The following GAS6 variants were observed in gnomAD, a reference collection of about 807,000 sequenced individuals.
GAS6 encodes growth arrest specific 6.
GAS6 carries 41 observed loss-of-function variants against 75.8 expected under a neutral mutation model. The observed-to-expected ratio is 0.54, with a 90% CI of 0.42 to 0.70. GAS6 has a LOEUF of 0.70. GAS6 is among the 30% of genes least tolerant of loss of function. The probability of loss-of-function intolerance (pLI) is 0.00; values close to 1 mark genes in which losing one functional copy is unlikely to be tolerated. For missense variants in GAS6, 854 were observed against 940.2 expected, an observed-to-expected ratio of 0.91 and a Z score of 1.20; for synonymous variants, 432 against 412.6, an observed-to-expected ratio of 1.05 and a Z score of -0.57.
At chr13:113,836,035 T>C (rs1460098050) in intron 6 of GAS6, 9 of 1,008,430 alleles carry the variant, frequency 8.9e-6, no homozygotes, top group Non-Finnish European at 1.1e-5. Flanking sequence ...CATTTACTGG[T>C]TTCAATCAAT....
rs541060138 is a variant in GAS6, at chr13:113,834,400, C to A, written c.834+151G>T. The A allele has an allele frequency of 6.0e-5, 47 of 785,608 alleles. No individual in the cohort carries two copies. The African/African-American group carries it at 7.7e-4, about 13-fold the overall frequency. The allele number at this position is 785,608 out of a possible 1,614,324, so 48.7% of individuals were successfully genotyped here. A position where few individuals can be genotyped will look rare whatever the true frequency, so the allele number is the denominator to read the frequency against. The stretch of plus-strand genomic sequence containing the variant: ...CCAAACATCTTCCAGGGAACAGAAG[C>A]GTTTCTCATCCCAAACCTCCACATG... On this transcript the variant is annotated intron_variant, in intron 8 of 14. Coordinates refer to ENST00000327773, the MANE Select transcript of GAS6 (RefSeq NM_000820.4).
chr13:113,835,811 G>T (rs1424744692), intron 6 of GAS6, 176 bp from the exon 7 acceptor site: 4 of 1,427,226 alleles, frequency 2.8e-6, no homozygotes, highest in Non-Finnish European at 3.7e-6. Context: ...CAGCTCCCGG[G>T]GTGTTGGTGC....
At chr13:113,856,114 C>A (rs546732150) in intron 2 of GAS6, among the ~76,000 whole-genome samples, 1 of 152,228 alleles carries the variant, frequency 6.6e-6, no homozygotes, top group Non-Finnish European at 1.5e-5. Flanking sequence ...CCCAGCATGA[C>A]GCACCTGGCA....
intron 8 of GAS6, chr13:113,833,104 G>GC: frequency 8.5e-7 from 1 of 1,181,774 alleles, no homozygotes; most frequent in South Asian, 1.7e-5. Context: ...AGATATGGAT[G>GC]CCTTGAAGAT....
chr13:113,834,653 C>T lies in GAS6; in HGVS notation c.732G>A (p.Gln244=), dbSNP rs544003450. 1.3e-6 allele frequency: 2 copies of T among 1,592,068 alleles called. No homozygotes were observed. Among genetic ancestry groups the T allele is most frequent in the East Asian group, 4.6e-5 (2 of 43,944 alleles). Residue 244 remains glutamine, a synonymous_variant, in exon 8 of 15, where the codon CAG becomes CAA. Coordinates refer to ENST00000327773, the MANE Select transcript of GAS6 (RefSeq NM_000820.4). ...TCACGCAGACCTGCTCACAGCGGCC[C>T]TGCAGACACTCGTCCACATCTGCCA... ...KACRDVDECL[Q]GRCEQVCVNS... is the part of the protein sequence containing the mutation.
At chr13:113,842,376 G>A in intron 4 of GAS6, 2 of 391,208 alleles carry the variant, frequency 5.1e-6, no homozygotes, top group Non-Finnish European at 8.9e-6. Context: ...AAGCACACAG[G>A]GGCTGGGGCT....
intron 8 of GAS6, among the ~76,000 whole-genome samples, chr13:113,834,250 C>T (rs946243997): frequency 3.6e-4 from 55 of 151,964 alleles, no homozygotes; most frequent in Non-Finnish European, 3.4e-4. Context: ...TGTGACAGGT[C>T]GGTCACGTTG....
chr13:113,858,856 A>G (rs538023992), intron 2 of GAS6, among the ~76,000 whole-genome samples: 15 of 124,140 alleles, frequency 1.2e-4, no homozygotes, highest in African/African-American at 3.7e-4. Context: ...TATGTGTGTC[A>G]TTATGCATGT....
In GAS6 at chr13:113,863,768, G is replaced by A. The variant is rs745547508; in HGVS notation, c.89-27C>T. The A allele has an allele frequency of 7.0e-5, 102 of 1,451,622 alleles. No individual in the cohort carries two copies. Among genetic ancestry groups the A allele is most frequent in the Admixed American group, 1.1e-4 (4 of 35,386 alleles). 89.9% of individuals were successfully genotyped at this position (1,451,622 alleles called of 1,614,324 possible). A position where few individuals can be genotyped will look rare whatever the true frequency, so the allele number is the denominator to read the frequency against. ...TGCCCGGAGGGAGAGAGGGGGACGC[G>A]TCAAGCCGCGCCCGGAGCCTCCTCC... is the stretch of plus-strand genomic sequence containing the variant. On this transcript the variant is annotated intron_variant, in intron 1 of 14. Transcript: ENST00000327773. The surrounding 1 kb of genome is among the most constrained non-coding windows in gnomAD (Gnocchi z 9.4).
At chr13:113,825,272 A>G (rs1414602460) in intron 12 of GAS6, among the ~76,000 whole-genome samples, 4 of 149,494 alleles carry the variant, frequency 2.7e-5, no homozygotes, top group East Asian at 4.0e-4. Context: ...AGCTCCTGAC[A>G]GGAGGCTAGG....
intron 14 of GAS6, chr13:113,821,389 C>T (rs2051455883): frequency 7.9e-6 from 2 of 251,674 alleles, no homozygotes; most frequent in Admixed American, 4.8e-5. Flanking sequence ...TGTCTGGCAG[C>T]CAAGAGAGAA....
rs374048403 is a variant in GAS6 at position 113,847,689 on chromosome 13, A to G, written c.280+337T>C. On this transcript the variant is annotated intron_variant, in intron 3 of 14. Coordinates refer to ENST00000327773, the MANE Select transcript of GAS6 (RefSeq NM_000820.4). ...AACATGGACCCCTTTGGGGTCCTCA[A>G]TGACTTCAGAAGTGATTAGTGCTGA... is the stretch of plus-strand genomic sequence containing the variant. The G allele has an allele frequency of 6.7e-3, 2,206 of 330,910 alleles. 22 individuals are homozygous for G. The highest frequency in any genetic ancestry group is 0.022 in the South Asian group (695 of 31,344). 20.5% of individuals were successfully genotyped at this position (330,910 alleles called of 1,614,324 possible). A position where few individuals can be genotyped will look rare whatever the true frequency, so the allele number is the denominator to read the frequency against.
In GAS6 at chr13:113,839,323, TC is replaced by T. The variant is rs200678462; in HGVS notation, c.466+404del. 9.6e-3 allele frequency: 1,772 copies of T among 184,066 alleles called. 40 individuals are homozygous for T. The highest frequency in any genetic ancestry group is 0.04 in the African/African-American group (1,677 of 41,558). 11.4% of individuals were successfully genotyped at this position (184,066 alleles called of 1,614,324 possible). A position where few individuals can be genotyped will look rare whatever the true frequency, so the allele number is the denominator to read the frequency against. The stretch of plus-strand genomic sequence containing the variant: ...CTGAAGGACGGTCAGAGGTGAAATC[TC>T]CCCCCGGCCTTTCAATCAGTGGGTG... On this transcript the variant is annotated intron_variant, in intron 5 of 14. Coordinates refer to ENST00000327773, the MANE Select transcript of GAS6 (RefSeq NM_000820.4).
At chr13:113,854,173 C>G (rs60844214) in intron 2 of GAS6, among the ~76,000 whole-genome samples, 19,183 of 152,260 alleles carry the variant, frequency 0.13, 1,877 homozygotes, top group African/African-American at 0.28. Flanking sequence ...GGGAGCTCAT[C>G]CTGGTGTGAC....
At chr13:113,824,800 G>A (rs890335094) in intron 12 of GAS6, among the ~76,000 whole-genome samples, 5 of 152,164 alleles carry the variant, frequency 3.3e-5, no homozygotes, top group African/African-American at 1.2e-4. Flanking sequence ...TTATGGCACC[G>A]AAACACACAA....
rs2051441759 is a variant in GAS6 at position 113,820,685 on chromosome 13, G to C, written c.*179C>G. 1 of 720,564 alleles carries C rather than the reference G, an allele frequency of 1.4e-6. No homozygotes were observed. The highest frequency in any genetic ancestry group is 3.0e-5 in the Admixed American group (1 of 33,858). The allele number at this position is 720,564 out of a possible 1,614,324, so 44.6% of individuals were successfully genotyped here. On this transcript the variant is annotated 3_prime_UTR_variant, in exon 15 of 15. Coordinates refer to ENST00000327773, the MANE Select transcript of GAS6 (RefSeq NM_000820.4). ...CGGCCTCCCCGCGCCCGGGCCCACG[G>C]CTGAGTGCGCGGCGTCAGAGGCCCC... is the stretch of plus-strand genomic sequence containing the variant.
At chr13:113,833,731 A>G in intron 8 of GAS6, 1 of 863,452 alleles carries the variant, frequency 1.2e-6, no homozygotes, top group Non-Finnish European at 1.4e-6. Flanking sequence ...CCGGTGTGAC[A>G]GGTCGGTGTG....
At chr13:113,822,214 C>G in intron 13 of GAS6, 28 bp from the exon 14 acceptor site, 4 of 1,485,706 alleles carry the variant, frequency 2.7e-6, no homozygotes, top group Non-Finnish European at 3.6e-6. Context: ...GTGGTCAGGG[C>G]CTGCCGGCCA....
chr13:113,820,800 G>GCC lies in GAS6; in HGVS notation c.*62_*63dup. 6.5e-7 allele frequency: 1 copy of GCC among 1,543,278 alleles called. No individual in the cohort carries two copies. The highest frequency in any genetic ancestry group is 8.8e-7 in the Non-Finnish European group (1 of 1,141,770). On this transcript the variant is annotated 3_prime_UTR_variant, in exon 15 of 15. Transcript: ENST00000327773. ...TCAGCATGGCCCCACGTGGTGAGGA[G>GCC]CCCCCAGGCTCCTCCCGGCTGTCTC... is the stretch of plus-strand genomic sequence containing the variant.
Sources: allele counts gnomAD v4.1 joint callset (sites outside exome capture counted in the v4.1 genomes callset), GRCh38; gene constraint gnomAD v4.1.1; non-coding constraint Gnocchi (gnomAD v3.1); transcripts MANE v1.5; gene names NCBI Gene and HGNC (gene_info 2026-07-23, HGNC 2026-07-21).